Variants in GRM3 observed in about 807,000 individuals in gnomAD.
GRM3 encodes the protein glutamate metabotropic receptor 3.
GRM3 carries 26 observed loss-of-function variants against 70.5 expected under a neutral mutation model. The observed-to-expected ratio is 0.37, with a 90% confidence interval of 0.27 to 0.51. The LOEUF (loss-of-function observed/expected upper bound fraction) is 0.51, where lower values mean the gene tolerates loss of function less well. Ranked by LOEUF, GRM3 falls within the 20% of genes least tolerant of loss-of-function variation. The pLI, the probability that GRM3 is intolerant of heterozygous loss-of-function variation, is 0.93. For synonymous variants in GRM3, 443 were observed against 434.9 expected, an observed-to-expected ratio of 1.02 and a Z score of -0.23; for missense variants, 859 against 1,123.8, an observed-to-expected ratio of 0.76 and a Z score of 3.37.
chr7:86,668,944 C>A (rs1003661558), intron 1 of GRM3, among the ~76,000 whole-genome samples: 5 of 152,050 alleles, frequency 3.3e-5, no homozygotes, highest in African/African-American at 7.3e-5. Flanking sequence ...TTTGCTTTCT[C>A]ATAACTGTGG....
Position 86,725,391 on chromosome 7 carries a change from G to A in GRM3, c.-140-39615G>A, listed in dbSNP as rs545689945. ...CCAGGAATTTGGAAAGGGCATGATA[G>A]CCTCAGGGTAGTCAGACTTTTGATG... is the stretch of plus-strand genomic sequence containing the variant. On this transcript the variant is annotated intron_variant, in intron 1 of 5. Coordinates refer to ENST00000361669, the MANE Select transcript of GRM3 (RefSeq NM_000840.3). Among the ~76,000 whole-genome samples the A allele has an allele frequency of 5.9e-5, 9 of 152,220 alleles. No individual in the cohort carries two copies. The East Asian group carries it at 1.2e-3, about 20-fold the overall frequency.
chr7:86,786,750 G>A lies in GRM3; in HGVS notation c.958G>A (p.Ala320Thr), dbSNP rs1231023450. ...GGGCAGCGAGCATGTGGCCTACGGCGCCATCACCCTGGAGCTGGCCTCCCA... is the reference window on the plus strand; with the variant it reads ...GGGCAGCGAGCATGTGGCCTACGGCACCATCACCCTGGAGCTGGCCTCCCA... ...IKGSEHVAYG[A>T]ITLELASQPV... Residue 320 changes from alanine (A) to threonine (T), a missense_variant, in exon 3 of 6, where the codon GCC becomes ACC. By Grantham distance (58) the Ala-to-Thr change is moderately conservative. Transcript: ENST00000361669. This position sits in a 1 kb window ranked among gnomAD's most constrained non-coding sequence, Gnocchi z 6.0. The A allele has an allele frequency of 3.7e-6, 6 of 1,613,660 alleles. No homozygotes were observed. In the South Asian group the frequency reaches 4.4e-5, roughly 12 times the overall value.
chr7:86,668,262 T>C (rs1794080488), intron 1 of GRM3, among the ~76,000 whole-genome samples: 1 of 135,596 alleles, frequency 7.4e-6, no homozygotes, highest in Non-Finnish European at 1.6e-5. Flanking sequence ...ACAGGTGAAA[T>C]GTCAAAATTT....
intron 1 of GRM3, among the ~76,000 whole-genome samples, chr7:86,742,182 T>C (rs571556368): frequency 2.0e-4 from 31 of 152,150 alleles, no homozygotes; most frequent in Non-Finnish European, 2.4e-4. Context: ...TGCCTCTCTA[T>C]ATGGTTGCTT....
chr7:86,847,735 T>G (rs779732193), intron 4 of GRM3, among the ~76,000 whole-genome samples: 3 of 152,160 alleles, frequency 2.0e-5, no homozygotes, highest in Non-Finnish European at 2.9e-5. Context: ...TCGACAAAGA[T>G]GAAAACAGAG....
At chr7:86,645,637 G>C (rs1327764386) in intron 1 of GRM3, among the ~76,000 whole-genome samples, 2 of 152,036 alleles carry the variant, frequency 1.3e-5, no homozygotes, top group East Asian at 3.9e-4. Flanking sequence ...GGTTATCAAA[G>C]GTGGACAATT....
At position 86,861,639 on chromosome 7, in the gene GRM3, A is replaced by G. The variant is rs1187921922; in HGVS notation, c.2567-2643A>G. On this transcript the variant is annotated intron_variant, in intron 5 of 5. Coordinates refer to ENST00000361669, the MANE Select transcript of GRM3 (RefSeq NM_000840.3). ...TTCCTAGAGAGGCAAAGGCTACTGC[A>G]AAGGCAGAAAGTTGAGAAACAGATT... Among the ~76,000 whole-genome samples, 5 of 152,342 alleles carry G rather than the reference A, an allele frequency of 3.3e-5. No individual in the cohort carries two copies. In the East Asian group the frequency reaches 9.6e-4, roughly 29 times the overall value.
intron 3 of GRM3, among the ~76,000 whole-genome samples, chr7:86,831,389 G>A (rs1030000473): frequency 1.3e-5 from 2 of 152,118 alleles, no homozygotes; most frequent in Non-Finnish European, 2.9e-5. Flanking sequence ...GAAAAAAGCA[G>A]TACACTGTGT....
At chr7:86,714,347 C>CAA (rs1450477902) in intron 1 of GRM3, among the ~76,000 whole-genome samples, 1 of 151,912 alleles carries the variant, frequency 6.6e-6, no homozygotes, top group Non-Finnish European at 1.5e-5. Context: ...ACTACTTTAA[C>CAA]AACAAGCTCA....
At chr7:86,753,241 TAG>T in intron 1 of GRM3, among the ~76,000 whole-genome samples, 1 of 152,102 alleles carries the variant, frequency 6.6e-6, no homozygotes, top group South Asian at 2.1e-4. Flanking sequence ...ATTTTAATAA[TAG>T]CTAACAGTTA....
intron 1 of GRM3, among the ~76,000 whole-genome samples, chr7:86,713,909 A>T (rs770075713): frequency 2.0e-5 from 3 of 151,994 alleles, no homozygotes; most frequent in Non-Finnish European, 2.9e-5. Flanking sequence ...TCTATGCTGC[A>T]TTTGTGCTAG....
rs543568651 is a variant in GRM3, at chr7:86,680,265, A to T, written c.-141+35393A>T. ...TTAAGAGGACTACTAAAATTGGAAT[A>T]ACATATTTTAGGACTCAGGATGTGT... is the stretch of plus-strand genomic sequence containing the variant. On this transcript the variant is annotated intron_variant, in intron 1 of 5. Transcript: ENST00000361669. Among the ~76,000 whole-genome samples the T allele has an allele frequency of 1.1e-4, 16 of 152,292 alleles. No individual in the cohort carries two copies. In the East Asian group the frequency reaches 3.1e-3, roughly 29 times the overall value.
chr7:86,717,507 CT>C (rs879841481), intron 1 of GRM3, among the ~76,000 whole-genome samples: 17 of 151,934 alleles, frequency 1.1e-4, no homozygotes, highest in Non-Finnish European at 1.9e-4. Context: ...AAGAATCTAA[CT>C]TTGTCACTGA....
intron 2 of GRM3, among the ~76,000 whole-genome samples, chr7:86,782,881 G>A (rs1797111912): frequency 6.6e-6 from 1 of 152,062 alleles, no homozygotes; most frequent in South Asian, 2.1e-4. Context: ...TTTTTCCAAA[G>A]CATATATAAC....
At chr7:86,782,834 T>C (rs1463359504) in intron 2 of GRM3, among the ~76,000 whole-genome samples, 1 of 152,172 alleles carries the variant, frequency 6.6e-6, no homozygotes, top group African/African-American at 2.4e-5. Context: ...CATTTTAGAG[T>C]CTTAATTTAT....
intron 1 of GRM3, among the ~76,000 whole-genome samples, chr7:86,726,833 A>G (rs544640227): frequency 1.3e-5 from 2 of 152,324 alleles, no homozygotes; most frequent in South Asian, 4.1e-4. Flanking sequence ...TCTTAACAGA[A>G]CTGGTCAATC....
chr7:86,746,496 A>C (rs905125943), intron 1 of GRM3, among the ~76,000 whole-genome samples: 1 of 151,108 alleles, frequency 6.6e-6, no homozygotes, highest in Non-Finnish European at 1.5e-5. Flanking sequence ...TGAAAAAAAA[A>C]ATGTGCAAGT....
rs540156434 is a variant in GRM3, at chr7:86,665,883, G to A, written c.-141+21011G>A. On this transcript the variant is annotated intron_variant, in intron 1 of 5. Transcript: ENST00000361669. ...TAAATGTTAACTCAGAGTGTCAGAC[G>A]TTTACTTACATTAGGCAAAATCTTA... Among the ~76,000 whole-genome samples, 62 of 152,096 alleles carry A rather than the reference G, an allele frequency of 4.1e-4. 1 individual carries two copies. The highest frequency in any genetic ancestry group is 8.3e-4 in the South Asian group (4 of 4,832).
chr7:86,741,772 T>C (rs1423540298), intron 1 of GRM3, among the ~76,000 whole-genome samples: 1 of 152,198 alleles, frequency 6.6e-6, no homozygotes, highest in Admixed American at 6.5e-5. Flanking sequence ...AGTTTGCAAA[T>C]TGCTGGATTA....
Sources: allele counts gnomAD v4.1 joint callset (sites outside exome capture counted in the v4.1 genomes callset), GRCh38; gene constraint gnomAD v4.1.1; non-coding constraint Gnocchi (gnomAD v3.1); transcripts MANE v1.5; gene names NCBI Gene and HGNC (gene_info 2026-07-23, HGNC 2026-07-21).